The following SNX30 variants were observed in gnomAD, a reference collection of about 807,000 sequenced individuals.
SNX30 encodes the protein sorting nexin family member 30, also known as sorting nexin-30.
In SNX30, 24 loss-of-function variants were observed where a neutral mutation model predicts 46.4. The observed-to-expected ratio is 0.52, with a 90% CI of 0.37 to 0.73. The LOEUF is 0.73. Among genes scored for constraint, SNX30 ranks in the 30% least tolerant of loss-of-function variants. The probability of loss-of-function intolerance (pLI) is 0.00; values close to 1 mark genes in which losing one functional copy is unlikely to be tolerated. For missense variants in SNX30, 533 were observed against 555.7 expected (o/e 0.96, Z 0.41); for synonymous variants, 189 against 211.5 (o/e 0.89, Z 0.92).
intron 3 of SNX30, among the ~76,000 whole-genome samples, chr9:112,823,362 A>G (rs1016979954): frequency 1.3e-5 from 2 of 152,198 alleles, no homozygotes; most frequent in African/African-American, 4.8e-5. Flanking sequence ...GTTTTATAAC[A>G]CTAGCTTTAT....
chr9:112,841,338 CAT>C (rs1289464068), intron 6 of SNX30, among the ~76,000 whole-genome samples: 1 of 152,172 alleles, frequency 6.6e-6, no homozygotes, highest in East Asian at 1.9e-4. Context: ...CACTGGGAGA[CAT>C]AGCTTGTGTA....
chr9:112,778,899 G>T (rs554644911), intron 1 of SNX30, among the ~76,000 whole-genome samples: 13 of 152,092 alleles, frequency 8.5e-5, no homozygotes, highest in Middle Eastern at 3.4e-3. Context: ...CTTGGGGGGG[G>T]GGGATTTGCA....
At chr9:112,773,655 G>A (rs996037501) in intron 1 of SNX30, among the ~76,000 whole-genome samples, 1 of 152,200 alleles carries the variant, frequency 6.6e-6, no homozygotes, top group African/African-American at 2.4e-5. Flanking sequence ...GTGAGACTAT[G>A]ATAAAACTCA....
intron 1 of SNX30, among the ~76,000 whole-genome samples, chr9:112,755,977 C>G (rs1442234514): frequency 6.6e-6 from 1 of 152,050 alleles, no homozygotes; most frequent in Non-Finnish European, 1.5e-5. Context: ...ATTGCGCAGA[C>G]TTGAATCAGG....
rs759086613 is a variant in SNX30 at position 112,838,640 on chromosome 9, G to A, written c.957G>A (p.Met319Ile). 6.8e-6 allele frequency: 11 copies of A among 1,614,182 alleles called. No homozygotes were observed. Among genetic ancestry groups the A allele is most frequent in the Non-Finnish European group, 9.3e-6 (11 of 1,180,028 alleles). The change falls in exon 6 of 9, where the codon ATG becomes ATA. Residue 319 changes from methionine (M) to isoleucine (I), a missense_variant. Physicochemically the swap from Met to Ile is conservative, Grantham distance 10 (BLOSUM62 1). Transcript: ENST00000374232. ...STALEELTDD[M>I]TEDFLPVLRE... Reference sequence around the variant, plus strand: ...CCTTAGAAGAGCTGACAGATGACATGACAGAAGACTTCCTACCTGTGCTCA... The same window carrying A: ...CCTTAGAAGAGCTGACAGATGACATAACAGAAGACTTCCTACCTGTGCTCA...
chr9:112,780,743 T>C (rs1283371267), intron 1 of SNX30, among the ~76,000 whole-genome samples: 1 of 152,212 alleles, frequency 6.6e-6, no homozygotes, highest in Non-Finnish European at 1.5e-5. Flanking sequence ...TTCCCGGGGC[T>C]TGAATTTCAT....
chr9:112,866,829 TCCCACC>T (rs1841353280), intron 8 of SNX30, among the ~76,000 whole-genome samples: 2 of 116,726 alleles, frequency 1.7e-5, no homozygotes, highest in African/African-American at 3.4e-5. Context: ...TTAGAATTCC[TCCCACC>T]TCCTCAGAAC....
At chr9:112,817,211 A>G (rs1440559936) in intron 2 of SNX30, among the ~76,000 whole-genome samples, 13 of 152,030 alleles carry the variant, frequency 8.6e-5, no homozygotes, top group East Asian at 3.9e-4. Flanking sequence ...ACTTGTCAGC[A>G]TATTTAGCAG....
intron 1 of SNX30, among the ~76,000 whole-genome samples, chr9:112,772,730 T>C (rs545881352): frequency 2.6e-5 from 4 of 152,368 alleles, no homozygotes; most frequent in South Asian, 2.1e-4. Context: ...TCGTAAGTTA[T>C]GAAAGCAATG....
At chr9:112,861,909 C>T (rs1450522277) in intron 7 of SNX30, among the ~76,000 whole-genome samples, 7 of 150,124 alleles carry the variant, frequency 4.7e-5, no homozygotes, top group East Asian at 2.0e-4. Flanking sequence ...GTGCTTATCA[C>T]GGGGGCTGCA....
chr9:112,857,117 G>T (rs555785625), intron 7 of SNX30, among the ~76,000 whole-genome samples: 1 of 152,224 alleles, frequency 6.6e-6, no homozygotes, highest in South Asian at 2.1e-4. Flanking sequence ...CGGAGAGTGC[G>T]TGTGGCCTTC....
chr9:112,813,017 C>T (rs1350458090), intron 2 of SNX30, among the ~76,000 whole-genome samples: 1 of 152,048 alleles, frequency 6.6e-6, no homozygotes, highest in Non-Finnish European at 1.5e-5. Flanking sequence ...TGTGGTGGCG[C>T]ACGCCTGTAG....
At chr9:112,876,931 C>CA (rs67151355), downstream of SNX30, among the ~76,000 whole-genome samples, 121,216 of 135,460 alleles carry the variant, frequency 0.89, 54,119 homozygotes, top group East Asian at 0.97. Flanking sequence ...GTAAGACTGT[C>CA]AAAAAAAAAA....
At chr9:112,850,671 C>T (rs952717758) in intron 6 of SNX30, among the ~76,000 whole-genome samples, 188 bp from the exon 7 acceptor site, 2 of 152,234 alleles carry the variant, frequency 1.3e-5, no homozygotes, top group African/African-American at 4.8e-5. Context: ...AGTGGTTCTC[C>T]TCTCTTCCCT....
rs1213799651 is a variant in SNX30, at chr9:112,871,683, T to G, written c.*2840T>G. The stretch of plus-strand genomic sequence containing the variant: ...CCCCAGGCCTGGAAAGTGGGAGATT[T>G]CATTCGCCCGGGTTAAAAATCCAGA... On this transcript the variant is annotated 3_prime_UTR_variant, in exon 9 of 9. Transcript: ENST00000374232. 6.6e-6 allele frequency: 1 copy of G among 152,120 alleles called. No homozygotes were observed. Among genetic ancestry groups the G allele is most frequent in the Non-Finnish European group, 1.5e-5 (1 of 68,038 alleles). The allele number at this position is 152,120 out of a possible 1,614,324, so 9.4% of individuals were successfully genotyped here.
At chr9:112,757,038 T>C (rs1031890166) in intron 1 of SNX30, among the ~76,000 whole-genome samples, 1 of 152,198 alleles carries the variant, frequency 6.6e-6, no homozygotes, top group Non-Finnish European at 1.5e-5. Context: ...TCAAGTACAG[T>C]ACAATTTTAT....
intron 6 of SNX30, among the ~76,000 whole-genome samples, chr9:112,844,103 G>T (rs1442110411): frequency 1.3e-5 from 2 of 152,172 alleles, no homozygotes; most frequent in Non-Finnish European, 2.9e-5. Context: ...CAGAAAACTA[G>T]GTGGTGGAGC....
intron 7 of SNX30, among the ~76,000 whole-genome samples, chr9:112,851,778 A>C (rs1841032076): frequency 6.6e-6 from 1 of 152,112 alleles, no homozygotes; most frequent in Non-Finnish European, 1.5e-5. Context: ...TTAGGAAGTG[A>C]GGAGTGCTGA....
chr9:112,781,577 G>A (rs1172784525), intron 1 of SNX30, among the ~76,000 whole-genome samples: 3 of 151,994 alleles, frequency 2.0e-5, no homozygotes, highest in Non-Finnish European at 4.4e-5. Flanking sequence ...CCAGCTGCCT[G>A]TTTTAGTATA....
Sources: gnomAD v4.1 joint callset for allele counts (sites outside exome capture counted in the v4.1 genomes callset) on GRCh38, gnomAD v4.1.1 for gene constraint, MANE v1.5 for transcripts, NCBI Gene and HGNC (gene_info 2026-07-23, HGNC 2026-07-21) for gene names.